FAM13C: variants seen among roughly 807,000 people sequenced by gnomAD.
FAM13C encodes protein FAM13C.
Under a neutral mutation model 73.2 loss-of-function variants are expected in FAM13C, and 37 were observed. That is an observed-to-expected ratio of 0.51 (90% CI 0.39 to 0.67). The LOEUF (loss-of-function observed/expected upper bound fraction) is 0.67. Among genes scored for constraint, FAM13C ranks in the 30% least tolerant of loss-of-function variants. The pLI is 0.00. For missense variants in FAM13C, 589 were observed against 715.6 expected, an observed-to-expected ratio of 0.82 and a Z score of 2.02; for synonymous variants, 246 against 260.9, an observed-to-expected ratio of 0.94 and a Z score of 0.55.
chr10:59,349,748 G>C (rs772635782), intron 3 of FAM13C, among the ~76,000 whole-genome samples: 20 of 152,144 alleles, frequency 1.3e-4, no homozygotes, highest in Non-Finnish European at 2.5e-4. Context: ...GGGTGACAGA[G>C]GGAAATTTTG....
At chr10:59,353,828 C>T (rs1315407557) in intron 2 of FAM13C, among the ~76,000 whole-genome samples, 1 of 152,158 alleles carries the variant, frequency 6.6e-6, no homozygotes, top group African/African-American at 2.4e-5. Flanking sequence ...GAGAATCCAA[C>T]AATTACAATA....
intron 4 of FAM13C, among the ~76,000 whole-genome samples, chr10:59,320,932 G>A (rs560155926): frequency 1.3e-5 from 2 of 152,268 alleles, no homozygotes; most frequent in African/African-American, 2.4e-5. Context: ...CTTCTCTGGA[G>A]TCATGTGTTT....
intron 5 of FAM13C, among the ~76,000 whole-genome samples, chr10:59,286,375 C>T (rs1427378392): frequency 6.6e-6 from 1 of 151,524 alleles, no homozygotes; most frequent in Non-Finnish European, 1.5e-5. Context: ...ATTAGCTGGG[C>T]ATGGTGGCAC....
upstream of FAM13C, chr10:59,362,551 G>A: frequency 6.4e-7 from 1 of 1,559,020 alleles, no homozygotes; most frequent in Non-Finnish European, 8.7e-7. Flanking sequence ...CAAGTCTCCG[G>A]GCTCGCCCGG....
At chr10:59,269,414 G>A (rs887492908) in intron 7 of FAM13C, among the ~76,000 whole-genome samples, 4 of 87,308 alleles carry the variant, frequency 4.6e-5, no homozygotes, top group Admixed American at 3.0e-4. Context: ...GCAGGCATCC[G>A]ATTACACACA....
intron 5 of FAM13C, among the ~76,000 whole-genome samples, chr10:59,290,866 G>C (rs2133770884): frequency 6.6e-6 from 1 of 152,158 alleles, no homozygotes; most frequent in Non-Finnish European, 1.5e-5. Context: ...AGTATTTGCA[G>C]GGGGGGCAGG....
chr10:59,337,010 T>G (rs1564604405), intron 3 of FAM13C, among the ~76,000 whole-genome samples: 2 of 152,162 alleles, frequency 1.3e-5, no homozygotes, highest in African/African-American at 2.4e-5. Flanking sequence ...TCCCTCAGCT[T>G]AGAAAACCTC....
rs540626912 is a variant in FAM13C at position 59,354,488 on chromosome 10, G to C, written c.119+1399C>G. 3.3e-5 allele frequency among the ~76,000 whole-genome samples: 5 copies of C among 152,284 alleles called. No homozygotes were observed. The East Asian group carries it at 7.7e-4, about 24-fold the overall frequency. Reference sequence around the variant, plus strand: ...TCCTGAAAAAAGCCAGAGTCTAAAAGATCCTCCCACTTATTAGTTGTGTGG... The same window carrying C: ...TCCTGAAAAAAGCCAGAGTCTAAAACATCCTCCCACTTATTAGTTGTGTGG... On this transcript the variant is annotated intron_variant, in intron 2 of 13. Transcript: ENST00000618804.
intron 1 of FAM13C, 99 bp downstream of exon 1, chr10:59,362,300 T>G: frequency 6.6e-7 from 1 of 1,513,590 alleles, no homozygotes; most frequent in Non-Finnish European, 8.9e-7. Flanking sequence ...ACAATGCATC[T>G]AAAACGAACA....
At chr10:59,323,965 G>A (rs1404613303) in intron 4 of FAM13C, 23 bp downstream of exon 4, 1 of 1,583,714 alleles carries the variant, frequency 6.3e-7, no homozygotes, top group East Asian at 2.2e-5. Flanking sequence ...GCACAGAATA[G>A]CTTCTGATAA....
chr10:59,318,574 C>G (rs1849819554), intron 4 of FAM13C, among the ~76,000 whole-genome samples: 1 of 152,074 alleles, frequency 6.6e-6, no homozygotes, highest in African/African-American at 2.4e-5. Flanking sequence ...GTGAAATGAC[C>G]ATGGTCACCT....
Position 59,268,416 on chromosome 10 carries a change from T to C in FAM13C, c.942+137A>G, listed in dbSNP as rs1224572846. ...AGACAGATAGAAGATGAAGACTCTA[T>C]GATAGGTCCAGGTTGGCCCATGGGA... On this transcript the variant is annotated intron_variant, in intron 8 of 13. Coordinates refer to ENST00000618804, the MANE Select transcript of FAM13C (RefSeq NM_198215.4). 2.9e-6 allele frequency: 3 copies of C among 1,029,804 alleles called. No homozygotes were observed. In the African/African-American group the frequency reaches 4.8e-5, roughly 17 times the overall value. The allele number at this position is 1,029,804 out of a possible 1,614,324, so 63.8% of individuals were successfully genotyped here. A position where few individuals can be genotyped will look rare whatever the true frequency, so the allele number is the denominator to read the frequency against.
intron 4 of FAM13C, among the ~76,000 whole-genome samples, chr10:59,319,248 A>G (rs1174737679): frequency 2.0e-5 from 3 of 152,178 alleles, no homozygotes; most frequent in Admixed American, 6.5e-5. Flanking sequence ...GTCAAAAAAT[A>G]GTGGAGGCCA....
intron 13 of FAM13C, among the ~76,000 whole-genome samples, chr10:59,248,289 C>T (rs79045928): frequency 0.019 from 2,943 of 152,192 alleles, 76 homozygotes; most frequent in African/African-American, 0.067. Flanking sequence ...TATAGTAGAA[C>T]CACTGAGCTG....
At chr10:59,261,674 G>A (rs1356288666) in intron 10 of FAM13C, among the ~76,000 whole-genome samples, 8 of 152,054 alleles carry the variant, frequency 5.3e-5, no homozygotes, top group Admixed American at 3.9e-4. Context: ...CTGTGATAGG[G>A]TAGTTGCATC....
chr10:59,353,953 T>G (rs1448961830), intron 2 of FAM13C, among the ~76,000 whole-genome samples: 1 of 152,218 alleles, frequency 6.6e-6, no homozygotes, highest in African/African-American at 2.4e-5. Context: ...GATTTGGAAA[T>G]TAATATCAAA....
chr10:59,248,783 T>A (rs1221867645), intron 13 of FAM13C, among the ~76,000 whole-genome samples: 3 of 152,174 alleles, frequency 2.0e-5, no homozygotes, highest in Admixed American at 6.5e-5. Context: ...TCTTACCAAA[T>A]AAAAAACAAG....
intron 6 of FAM13C, 91 bp downstream of exon 6, chr10:59,283,272 T>TC: frequency 2.2e-6 from 3 of 1,382,708 alleles, no homozygotes; most frequent in Non-Finnish European, 3.1e-6. Flanking sequence ...GGCACTGTTT[T>TC]CCCTCAGGGG....
chr10:59,284,890 C>A (rs1336629447), intron 5 of FAM13C, among the ~76,000 whole-genome samples: 4 of 151,990 alleles, frequency 2.6e-5, no homozygotes, highest in Non-Finnish European at 4.4e-5. Context: ...TCCACACACA[C>A]ACACCTGCTC....
Sources: gnomAD v4.1 joint callset for allele counts (sites outside exome capture counted in the v4.1 genomes callset) on GRCh38, gnomAD v4.1.1 for gene constraint, MANE v1.5 for transcripts, NCBI Gene and HGNC (gene_info 2026-07-23, HGNC 2026-07-21) for gene names.